Variants in TTI2 observed in about 807,000 individuals in gnomAD.
The protein encoded by TTI2 is TELO2-interacting protein 2.
Under a neutral mutation model 44.9 loss-of-function variants are expected in TTI2, and 26 were observed. The observed-to-expected ratio is 0.58, with a 90% CI of 0.42 to 0.80. The LOEUF (loss-of-function observed/expected upper bound fraction) is 0.80. Among genes scored for constraint, TTI2 ranks in the 30% least tolerant of loss-of-function variants. The pLI is 0.00. For synonymous variants in TTI2, 254 were observed against 250.9 expected (o/e 1.01, Z -0.12); for missense variants, 582 against 611.6 (o/e 0.95, Z 0.51).
chr8:33,507,108 A>G (rs549464483), intron 4 of TTI2, 121 bp downstream of exon 4: 18 of 865,516 alleles, frequency 2.1e-5, no homozygotes, highest in Non-Finnish European at 3.4e-5. Context: ...CAACGCTTTT[A>G]GTTATCATCC....
chr8:33,499,339 C>T, intron 7 of TTI2, 62 bp from the exon 8 acceptor site: 1 of 1,147,472 alleles, frequency 8.7e-7, no homozygotes, highest in Non-Finnish European at 1.3e-6. Context: ...TCCCCTTTTG[C>T]TTGATTCTTC....
At chr8:33,510,537 C>T (rs112046781) in intron 2 of TTI2, among the ~76,000 whole-genome samples, 1,791 of 152,140 alleles carry the variant, frequency 0.012, 39 homozygotes, top group African/African-American at 0.039. Context: ...CCACCATACC[C>T]GGATAATTTT....
At chr8:33,499,588 T>G in intron 7 of TTI2, 1 of 272,734 alleles carries the variant, frequency 3.7e-6, no homozygotes, top group Non-Finnish European at 7.0e-6. Context: ...CTGCCCAAGA[T>G]TAAAGAGCTA....
chr8:33,507,229 C>A lies in TTI2; in HGVS notation c.927G>T (p.Gln309His), dbSNP rs761279355. The A allele has an allele frequency of 1.2e-6, 2 of 1,613,596 alleles. No homozygotes were observed. The highest frequency in any genetic ancestry group is 1.1e-5 in the South Asian group (1 of 91,072). Reference protein sequence around the residue: ...HLYTPEHHLIQAVLLCLLDLF... With the variant: ...HLYTPEHHLIHAVLLCLLDLF... The stretch of plus-strand genomic sequence containing the variant: ...AGTTATGAAGAAATCATACTATTAC[C>A]TGAATGAGGTGGTGCTCTGGTGTGT... The change falls in exon 4 of 8, where the codon CAG becomes CAT. Residue 309 changes from glutamine (Q) to histidine (H), a missense_variant and splice_region_variant. Coordinates refer to ENST00000431156, the MANE Select transcript of TTI2 (RefSeq NM_001102401.4).
In TTI2 at chr8:33,512,474, A is replaced by T. The variant is rs770638379; in HGVS notation, c.140T>A (p.Val47Glu). The stretch of plus-strand genomic sequence containing the variant: ...GAGGTCTTTAAGAACTGCATCTTTT[A>T]CATTGCCTCGTCGTGCCTCCGGGCG... ...LARPEARRGN[V>E]KDAVLKDLGD... The change falls in exon 2 of 8, where the codon GTA (valine) becomes GAA (glutamate). Residue 47 changes from valine (V) to glutamate (E), a missense_variant. Coordinates refer to ENST00000431156, the MANE Select transcript of TTI2 (RefSeq NM_001102401.4). 5.6e-6 allele frequency: 9 copies of T among 1,613,936 alleles called. No homozygotes were observed. Among genetic ancestry groups the T allele is most frequent in the Non-Finnish European group, 7.6e-6 (9 of 1,179,984 alleles).
chr8:33,499,112 T>C lies in TTI2; in HGVS notation c.*61A>G. ...AAAATATCTTTTTTTCTTAAATAAC[T>C]CCATTCATACAAATTGGGATGGGAA... On this transcript the variant is annotated 3_prime_UTR_variant, in exon 8 of 8. Coordinates refer to ENST00000431156, the MANE Select transcript of TTI2 (RefSeq NM_001102401.4). 1 of 1,324,724 alleles carries C rather than the reference T, an allele frequency of 7.5e-7. No individual in the cohort carries two copies. The highest frequency in any genetic ancestry group is 1.2e-5 in the South Asian group (1 of 84,402). 82.1% of individuals were successfully genotyped at this position (1,324,724 alleles called of 1,614,324 possible).
intron 6 of TTI2, among the ~76,000 whole-genome samples, chr8:33,503,134 A>AC (rs1246048081): frequency 4.6e-5 from 4 of 86,226 alleles, no homozygotes; most frequent in East Asian, 3.0e-4. Flanking sequence ...ATTTCAAAAA[A>AC]AAAAAAAAAA....
rs1809462224 is a variant in TTI2 at position 33,509,950 on chromosome 8, A to G, written c.648-18T>C. 3 of 1,396,828 alleles carry G rather than the reference A, an allele frequency of 2.1e-6. No individual in the cohort carries two copies. Among genetic ancestry groups the G allele is most frequent in the Non-Finnish European group, 3.0e-6 (3 of 1,000,494 alleles). The allele number at this position is 1,396,828 out of a possible 1,614,324, so 86.5% of individuals were successfully genotyped here. ...AGGATTCCCTAAGTGAATACATAGA[A>G]TTACATTAAGTGACATGGTGATAAG... On this transcript the variant is annotated intron_variant, in intron 2 of 7. Transcript: ENST00000431156.
chr8:33,508,575 C>A lies in TTI2; in HGVS notation c.834+1171G>T, dbSNP rs192915706. On this transcript the variant is annotated intron_variant, in intron 3 of 7. Coordinates refer to ENST00000431156, the MANE Select transcript of TTI2 (RefSeq NM_001102401.4). ...GCAGTGAGCTAAGATCACACCACTG[C>A]ACTCCAGCCTCCAGCGTAAGCGACA... Among the ~76,000 whole-genome samples the A allele has an allele frequency of 7.5e-5, 11 of 147,044 alleles. No homozygotes were observed. In the East Asian group the frequency reaches 2.2e-3, roughly 29 times the overall value.
intron 3 of TTI2, among the ~76,000 whole-genome samples, chr8:33,508,803 G>C (rs1330057798): frequency 1.3e-5 from 2 of 151,898 alleles, no homozygotes; most frequent in South Asian, 4.2e-4. Flanking sequence ...TTTGGATATA[G>C]TCCCTTTCAG....
At chr8:33,509,385 G>A (rs1230794493) in intron 3 of TTI2, among the ~76,000 whole-genome samples, 1 of 148,026 alleles carries the variant, frequency 6.8e-6, no homozygotes, top group African/African-American at 2.5e-5. Context: ...AAACCTAAGA[G>A]GTGGAGGTTG....
rs1370772168 is a variant in TTI2, at chr8:33,506,910, G to T, written c.927+319C>A. Among the ~76,000 whole-genome samples the T allele has an allele frequency of 2.0e-5, 3 of 151,656 alleles. No individual in the cohort carries two copies. The East Asian group carries it at 5.8e-4, about 29-fold the overall frequency. On this transcript the variant is annotated intron_variant, in intron 4 of 7. Transcript: ENST00000431156. ...GGGTTTTGGCATGTCAGCCAGGCTG[G>T]TCTCGAACTCCTGACCTCAGGTGAT...
rs982749025 is a variant in TTI2, at chr8:33,498,915, G to A, written c.*258C>T. On this transcript the variant is annotated 3_prime_UTR_variant, in exon 8 of 8. Coordinates refer to ENST00000431156, the MANE Select transcript of TTI2 (RefSeq NM_001102401.4). ...TTGAATCTGGGATGAGATGACGGAT[G>A]TAAATATTTCTAAATTTTAAATGCT... 12 of 578,090 alleles carry A rather than the reference G, an allele frequency of 2.1e-5. No homozygotes were observed. The highest frequency in any genetic ancestry group is 9.4e-5 in the African/African-American group (5 of 53,412). 35.8% of individuals were successfully genotyped at this position (578,090 alleles called of 1,614,324 possible). A position where few individuals can be genotyped will look rare whatever the true frequency, so the allele number is the denominator to read the frequency against.
intron 4 of TTI2, among the ~76,000 whole-genome samples, chr8:33,504,856 A>C (rs1037627424): frequency 4.6e-4 from 70 of 152,046 alleles, no homozygotes; most frequent in African/African-American, 1.6e-3. Context: ...TATTTTCTCT[A>C]CCACCTTAAG....
intron 2 of TTI2, among the ~76,000 whole-genome samples, chr8:33,511,474 T>TA (rs11393566): frequency 0.055 from 8,390 of 152,296 alleles, 389 homozygotes; most frequent in African/African-American, 0.13. Flanking sequence ...AATTTGCCAC[T>TA]ATCCAGTTAT....
chr8:33,510,298 A>G (rs1404583082), intron 2 of TTI2, among the ~76,000 whole-genome samples: 2 of 152,208 alleles, frequency 1.3e-5, no homozygotes, highest in Non-Finnish European at 2.9e-5. Flanking sequence ...ATGAATCAAC[A>G]CTTGAACACC....
chr8:33,508,617 C>CAAAA (rs55717202), intron 3 of TTI2, among the ~76,000 whole-genome samples: 29,688 of 63,594 alleles, frequency 0.47, 6,686 homozygotes, highest in Non-Finnish European at 0.52. Context: ...GACTCTGCCT[C>CAAAA]AAAAAAAAAA....
chr8:33,501,994 A>G (rs1809098133), intron 6 of TTI2, among the ~76,000 whole-genome samples: 1 of 151,992 alleles, frequency 6.6e-6, no homozygotes, highest in Non-Finnish European at 1.5e-5. Context: ...CCCAGTCTGG[A>G]GTGCAGTGGT....
chr8:33,509,141 A>C (rs922985847), intron 3 of TTI2, among the ~76,000 whole-genome samples: 15 of 149,834 alleles, frequency 1.0e-4, no homozygotes, highest in South Asian at 4.2e-4. Flanking sequence ...TCAAAAAAAA[A>C]AAAAAAAAAA....
Sources: allele counts gnomAD v4.1 joint callset (sites outside exome capture counted in the v4.1 genomes callset), GRCh38; gene constraint gnomAD v4.1.1; transcripts MANE v1.5; gene names NCBI Gene and HGNC (gene_info 2026-07-23, HGNC 2026-07-21).